The following LEKR1 variants were observed in gnomAD, a reference collection of about 807,000 sequenced individuals.
LEKR1 encodes leucine, glutamate and lysine rich 1.
In LEKR1, 59 loss-of-function variants were observed where a neutral mutation model predicts 72.4. The ratio of observed to expected loss-of-function variants is 0.82; its 90% CI spans 0.66 to 1.01. The LOEUF (loss-of-function observed/expected upper bound fraction) is 1.01, where lower values mean the gene tolerates loss of function less well. LEKR1 is among the 50% of genes least tolerant of loss of function. The pLI, the probability that LEKR1 is intolerant of heterozygous loss-of-function variation, is 0.00. For missense variants in LEKR1, 728 were observed against 759.2 expected (o/e 0.96, Z 0.48); for synonymous variants, 257 against 263.2 (o/e 0.98, Z 0.23).
chr3:156,987,865 G>T (rs1730833694), intron 7 of LEKR1, among the ~76,000 whole-genome samples: 1 of 152,118 alleles, frequency 6.6e-6, no homozygotes, highest in Non-Finnish European at 1.5e-5. Context: ...ATTTAAAGCT[G>T]TGCAATCATA....
At position 156,942,546 on chromosome 3, in the gene LEKR1, A is replaced by C; in HGVS notation, c.577A>C (p.Lys193Gln). Residue 193 changes from lysine (K) to glutamine (Q), a missense_variant, in exon 6 of 13, where the codon AAA (lysine) becomes CAA (glutamine). Physicochemically the swap from Lys to Gln is moderately conservative, Grantham distance 53 (BLOSUM62 1). Transcript: ENST00000356539. ...TCTTACAGAAATAGACATACTGAAT[A>C]AAAGTTTGACAGTATCCCAGAGAAA... is the stretch of plus-strand genomic sequence containing the variant. The part of the protein sequence containing the change: ...TALTEIDILN[K>Q]SLTVSQRNKV... The C allele has an allele frequency of 8.1e-7, 1 of 1,229,886 alleles. No individual in the cohort carries two copies. Among genetic ancestry groups the C allele is most frequent in the Non-Finnish European group, 1.1e-6 (1 of 946,732 alleles). 76.2% of individuals were successfully genotyped at this position (1,229,886 alleles called of 1,614,324 possible). A position where few individuals can be genotyped will look rare whatever the true frequency, so the allele number is the denominator to read the frequency against.
At chr3:157,043,249 A>T (rs1735500304) in intron 12 of LEKR1, among the ~76,000 whole-genome samples, 1 of 152,174 alleles carries the variant, frequency 6.6e-6, no homozygotes, top group Non-Finnish European at 1.5e-5. Context: ...TCTTTTCTTT[A>T]TAAATTGCCC....
At chr3:156,879,040 A>G (rs1049459922) in intron 3 of LEKR1, among the ~76,000 whole-genome samples, 1 of 152,188 alleles carries the variant, frequency 6.6e-6, no homozygotes, top group Non-Finnish European at 1.5e-5. Flanking sequence ...GGACTAATAC[A>G]GTAAATTGGT....
chr3:157,003,104 A>G (rs1042055995), intron 9 of LEKR1, among the ~76,000 whole-genome samples: 4 of 152,216 alleles, frequency 2.6e-5, no homozygotes, highest in African/African-American at 9.6e-5. Flanking sequence ...TTTCTAATCA[A>G]TAAGACTTCT....
intron 3 of LEKR1, among the ~76,000 whole-genome samples, chr3:156,870,437 A>AT (rs1375131617): frequency 1.3e-5 from 2 of 151,848 alleles, no homozygotes; most frequent in Non-Finnish European, 2.9e-5. Flanking sequence ...ATTTTTAGGT[A>AT]TTTTTTGGAG....
intron 4 of LEKR1, 91 bp downstream of exon 4, chr3:156,920,785 T>G: frequency 1.4e-6 from 1 of 702,856 alleles, no homozygotes; most frequent in Non-Finnish European, 2.2e-6. Context: ...GTAATATGGT[T>G]TCTATATCTG....
At chr3:156,894,021 G>A (rs1158630502) in intron 3 of LEKR1, among the ~76,000 whole-genome samples, 1 of 152,222 alleles carries the variant, frequency 6.6e-6, no homozygotes, top group Non-Finnish European at 1.5e-5. Flanking sequence ...GAGTTGGAAA[G>A]CAGTTTGATG....
At chr3:156,834,226 C>G (rs1712813591) in intron 2 of LEKR1, among the ~76,000 whole-genome samples, 1 of 152,066 alleles carries the variant, frequency 6.6e-6, no homozygotes, top group Non-Finnish European at 1.5e-5. Context: ...CACATGGGTC[C>G]AGATTCTGGC....
chr3:156,918,330 C>T (rs1478301246), intron 3 of LEKR1, among the ~76,000 whole-genome samples: 2 of 152,142 alleles, frequency 1.3e-5, no homozygotes, highest in African/African-American at 4.8e-5. Flanking sequence ...ACGACACCTT[C>T]CATCTGCATG....
In LEKR1 at chr3:156,885,209, G is replaced by C. The variant is rs150973128; in HGVS notation, c.263+32227G>C. Among the ~76,000 whole-genome samples the C allele has an allele frequency of 2.9e-3, 436 of 151,988 alleles. 1 individual carries two copies. Among genetic ancestry groups the C allele is most frequent in the African/African-American group, 0.01 (415 of 41,452 alleles). ...CCTGTATTTTTTAAAAAATTTCTTT[G>C]TGTTGGTTTTTTACCTTTCTCTAGT... On this transcript the variant is annotated intron_variant, in intron 3 of 12. Coordinates refer to ENST00000356539, the MANE Select transcript of LEKR1 (RefSeq NM_001004316.3).
intron 6 of LEKR1, among the ~76,000 whole-genome samples, chr3:156,976,365 C>T (rs1729688265): frequency 6.6e-6 from 1 of 152,068 alleles, no homozygotes; most frequent in African/African-American, 2.4e-5. Flanking sequence ...CATATGGGCT[C>T]AGACCTATGC....
intron 2 of LEKR1, among the ~76,000 whole-genome samples, chr3:156,846,699 A>G (rs1714643485): frequency 6.6e-6 from 1 of 152,184 alleles, no homozygotes; most frequent in African/African-American, 2.4e-5. Context: ...AAGGATTAGT[A>G]TTTCATACTG....
chr3:156,893,909 T>A (rs1418921207), intron 3 of LEKR1, among the ~76,000 whole-genome samples: 1 of 152,220 alleles, frequency 6.6e-6, no homozygotes, highest in Non-Finnish European at 1.5e-5. Context: ...AACTACCCCT[T>A]CCAAGTTGGG....
chr3:156,973,751 G>A (rs1437588259), intron 6 of LEKR1, among the ~76,000 whole-genome samples: 3 of 152,048 alleles, frequency 2.0e-5, no homozygotes, highest in East Asian at 1.9e-4. Flanking sequence ...AGTCATGAAT[G>A]GCCAAGAAGT....
At chr3:157,005,475 A>G (rs1484426862) in intron 9 of LEKR1, among the ~76,000 whole-genome samples, 6 of 152,160 alleles carry the variant, frequency 3.9e-5, no homozygotes, top group Non-Finnish European at 5.9e-5. Flanking sequence ...TTATTCTGAT[A>G]ACAAAACCTG....
intron 2 of LEKR1, chr3:156,851,315 C>G (rs753126320): frequency 6.6e-6 from 1 of 152,168 alleles, no homozygotes; most frequent in Non-Finnish European, 1.5e-5. Context: ...TCTAAGAGGA[C>G]TGGAACTGGT....
chr3:156,996,569 G>A (rs980413226), intron 9 of LEKR1, among the ~76,000 whole-genome samples: 2 of 152,210 alleles, frequency 1.3e-5, no homozygotes, highest in East Asian at 3.8e-4. Flanking sequence ...ATGCTGGACG[G>A]AGAAGGTATT....
intron 3 of LEKR1, among the ~76,000 whole-genome samples, chr3:156,916,347 G>A (rs901040824): frequency 5.3e-5 from 8 of 151,988 alleles, no homozygotes; most frequent in African/African-American, 1.9e-4. Flanking sequence ...AATTGCTTTG[G>A]GTGGTATGGA....
chr3:156,829,244 C>G, intron 1 of LEKR1, 42 bp from the exon 2 acceptor site: 2 of 749,210 alleles, frequency 2.7e-6, no homozygotes, highest in Non-Finnish European at 4.5e-6. Flanking sequence ...TGAATGTTCT[C>G]TACATTATTT....
Sources: gnomAD v4.1 joint callset for allele counts (sites outside exome capture counted in the v4.1 genomes callset) on GRCh38, gnomAD v4.1.1 for gene constraint, MANE v1.5 for transcripts, NCBI Gene and HGNC (gene_info 2026-07-23, HGNC 2026-07-21) for gene names.